The following MGA variants were observed in gnomAD, a reference collection of about 807,000 sequenced individuals.
The protein encoded by MGA is MAX dimerization protein MGA.
MGA carries 40 observed loss-of-function variants against 261.1 expected under a neutral mutation model. The observed-to-expected ratio is 0.15, with a 90% CI of 0.12 to 0.20. The LOEUF is 0.20. Among genes scored for constraint, MGA ranks in the 10% least tolerant of loss-of-function variants. The probability of loss-of-function intolerance (pLI) is 1.00; values close to 1 mark genes in which losing one functional copy is unlikely to be tolerated. For missense variants in MGA, 3,397 were observed against 3,630.5 expected (o/e 0.94, Z 1.65); for synonymous variants, 1,302 against 1,290.6 (o/e 1.01, Z -0.19).
intron 2 of MGA, among the ~76,000 whole-genome samples, chr15:41,682,681 A>AT (rs2151112639): frequency 6.6e-6 from 1 of 151,666 alleles, no homozygotes; most frequent in South Asian, 2.1e-4. Context: ...GGGTTTCACC[A>AT]TTTTGGCCAG....
chr15:41,658,915 A>C (rs2057269312), upstream of MGA, among the ~76,000 whole-genome samples: 1 of 151,958 alleles, frequency 6.6e-6, no homozygotes, highest in Non-Finnish European at 1.5e-5. Context: ...CATATATTTT[A>C]ATGCTAAATC....
chr15:41,658,345 G>T (rs946398989), upstream of MGA, among the ~76,000 whole-genome samples: 6 of 152,128 alleles, frequency 3.9e-5, no homozygotes, highest in African/African-American at 7.2e-5. Context: ...GCCTTTTAAA[G>T]GAGGAAATTT....
intron 1 of MGA, among the ~76,000 whole-genome samples, chr15:41,623,280 A>C (rs547165836): frequency 3.3e-5 from 5 of 152,232 alleles, no homozygotes; most frequent in Non-Finnish European, 5.9e-5. Context: ...AGCTATGATA[A>C]TCAAAATATA....
rs1174885724 is a variant in MGA at position 41,766,175 on chromosome 15, A to G, written c.8093A>G (p.Lys2698Arg). The G allele has an allele frequency of 1.2e-6, 2 of 1,614,014 alleles. No homozygotes were observed. Among genetic ancestry groups the G allele is most frequent in the Non-Finnish European group, 8.5e-7 (1 of 1,179,884 alleles). ...AATGAAGATAATTCCTTAGAGGATAAGGGTAGAATCTCTTCCAGAGGAAAC... is the reference window on the plus strand; with the variant it reads ...AATGAAGATAATTCCTTAGAGGATAGGGGTAGAATCTCTTCCAGAGGAAAC... Residue 2698 changes from lysine to arginine, a missense_variant, in exon 24 of 24, where the codon AAG becomes AGG. By Grantham distance (26) the Lys-to-Arg change is conservative. This residue lies in a region of MGA where 647 missense variants were observed against 642.4 expected (regional missense o/e 1.01). Transcript: ENST00000219905.
chr15:41,723,074 T>G (rs941845758), intron 9 of MGA, among the ~76,000 whole-genome samples: 1 of 152,156 alleles, frequency 6.6e-6, no homozygotes, highest in Non-Finnish European at 1.5e-5. Context: ...AGGAGACCAT[T>G]TCTTTGTTAA....
At chr15:41,664,255 C>T (rs953738878) in intron 1 of MGA, among the ~76,000 whole-genome samples, 2 of 152,164 alleles carry the variant, frequency 1.3e-5, no homozygotes, top group African/African-American at 2.4e-5. Flanking sequence ...GACTTCTCTG[C>T]ACTAATATTT....
chr15:41,670,029 C>T, intron 2 of MGA, 71 bp downstream of exon 2: 1 of 1,266,284 alleles, frequency 7.9e-7, no homozygotes, highest in East Asian at 2.4e-5. Flanking sequence ...GATTTAACAT[C>T]TTGGTTCTGT....
chr15:41,681,591 T>C (rs1450411588), intron 2 of MGA, among the ~76,000 whole-genome samples: 1 of 151,850 alleles, frequency 6.6e-6, no homozygotes, highest in African/African-American at 2.4e-5. Flanking sequence ...GCTGAGACTA[T>C]AAGTGTGTGC....
In MGA at chr15:41,767,395, G is replaced by C; in HGVS notation, c.*115G>C. 4 of 1,088,964 alleles carry C rather than the reference G, an allele frequency of 3.7e-6. No individual in the cohort carries two copies. The highest frequency in any genetic ancestry group is 4.0e-6 in the Non-Finnish European group (3 of 757,662). The allele number at this position is 1,088,964 out of a possible 1,614,324, so 67.5% of individuals were successfully genotyped here. On this transcript the variant is annotated 3_prime_UTR_variant, in exon 24 of 24. Coordinates refer to ENST00000219905, the MANE Select transcript of MGA (RefSeq NM_001164273.2). The stretch of plus-strand genomic sequence containing the variant: ...AACTTGGATCCTTGACTTCAATGAT[G>C]CAGTGGATAATGATGGGAGAAAGGG...
chr15:41,631,054 CAT>C (rs1411963704), intron 1 of MGA, among the ~76,000 whole-genome samples: 1 of 152,136 alleles, frequency 6.6e-6, no homozygotes, highest in African/African-American at 2.4e-5. Context: ...ATTCTTTGCA[CAT>C]GAGGCCTTGA....
chr15:41,733,354 A>ATT (rs1349930655), intron 11 of MGA, among the ~76,000 whole-genome samples: 2 of 152,222 alleles, frequency 1.3e-5, no homozygotes, highest in Non-Finnish European at 2.9e-5. Context: ...GAATGATAAA[A>ATT]GAGTCTAGGT....
chr15:41,629,993 C>G (rs1387591127), intron 1 of MGA, among the ~76,000 whole-genome samples: 1 of 152,130 alleles, frequency 6.6e-6, no homozygotes, highest in South Asian at 2.1e-4. Context: ...TTGTCACTTT[C>G]CTGCCTGAAG....
upstream of MGA, among the ~76,000 whole-genome samples, chr15:41,656,344 T>TTCTCTCTCTCTCTCTCTC (rs59370765): frequency 3.3e-5 from 2 of 59,988 alleles, no homozygotes; most frequent in African/African-American, 4.8e-5. Context: ...CTCTCCTCTC[T>TTCTCTCTCTCTCTCTCTC]TCTCTCTCTC....
intron 1 of MGA, among the ~76,000 whole-genome samples, chr15:41,642,370 C>T (rs769225359): frequency 5.2e-4 from 77 of 148,814 alleles, no homozygotes; most frequent in Non-Finnish European, 7.3e-4. Flanking sequence ...AGTGCAATGG[C>T]GTGATCTCGG....
At chr15:41,631,385 A>G (rs2056585159) in intron 1 of MGA, among the ~76,000 whole-genome samples, 2 of 152,192 alleles carry the variant, frequency 1.3e-5, no homozygotes. Flanking sequence ...TCATGTCTAT[A>G]AAGAAAGTAC....
intron 5 of MGA, among the ~76,000 whole-genome samples, chr15:41,706,387 A>T (rs1016110954): frequency 4.0e-5 from 6 of 150,470 alleles, no homozygotes; most frequent in African/African-American, 1.5e-4. Context: ...AGTTGGGCCT[A>T]CAGGTGCACG....
intron 5 of MGA, among the ~76,000 whole-genome samples, chr15:41,701,871 A>G (rs548953048): frequency 6.6e-6 from 1 of 152,312 alleles, no homozygotes; most frequent in African/African-American, 2.4e-5. Flanking sequence ...TTATTCAACT[A>G]CATGCTGACA....
intron 22 of MGA, among the ~76,000 whole-genome samples, chr15:41,763,117 T>TTTTTTTTTA (rs1262376109): frequency 8.6e-6 from 1 of 115,766 alleles, no homozygotes; most frequent in Non-Finnish European, 1.9e-5. Flanking sequence ...TTTTTTTTTT[T>TTTTTTTTTA]GAGACAGAGT....
chr15:41,626,675 G>A (rs1566920184), intron 1 of MGA, among the ~76,000 whole-genome samples: 1 of 152,118 alleles, frequency 6.6e-6, no homozygotes, highest in Non-Finnish European at 1.5e-5. Flanking sequence ...CACCCGCCTT[G>A]GCTTCCCAAA....
Sources: gnomAD v4.1 joint callset for allele counts (sites outside exome capture counted in the v4.1 genomes callset) on GRCh38, gnomAD v4.1.1 for gene constraint, gnomAD v4.1.1 regional missense constraint, MANE v1.5 for transcripts, NCBI Gene and HGNC (gene_info 2026-07-23, HGNC 2026-07-21) for gene names.